CNTLN: variants seen among roughly 807,000 people sequenced by gnomAD.
CNTLN encodes the protein centlein, centrosomal protein.
Under a neutral mutation model 180.0 loss-of-function variants are expected in CNTLN, and 212 were observed. The observed-to-expected ratio is 1.18, with a 90% CI of 1.05 to 1.32. CNTLN has a LOEUF of 1.32. Ranked by LOEUF, CNTLN falls within the 40% of genes most tolerant of loss-of-function variation. The pLI, the probability that CNTLN is intolerant of heterozygous loss-of-function variation, is 0.00. For missense variants in CNTLN, 2,095 were observed against 1,610.9 expected, an observed-to-expected ratio of 1.30 and a Z score of -5.14; for synonymous variants, 722 against 563.1, an observed-to-expected ratio of 1.28 and a Z score of -3.99.
chr9:17,509,699 G>T, the CNTLN span, among the ~76,000 whole-genome samples: 2 of 152,088 alleles, frequency 1.3e-5, no homozygotes, highest in Non-Finnish European at 2.9e-5. Context: ...CCATAGCCAG[G>T]GTTCATGGAT....
chr9:17,345,546 T>C (rs1036699460), intron 12 of CNTLN, among the ~76,000 whole-genome samples: 8 of 151,842 alleles, frequency 5.3e-5, no homozygotes, highest in Non-Finnish European at 1.2e-4. Context: ...TTTTTTTTTT[T>C]AGTATTTGCT....
At chr9:17,251,812 T>C (rs1027345602) in intron 5 of CNTLN, among the ~76,000 whole-genome samples, 1 of 151,852 alleles carries the variant, frequency 6.6e-6, no homozygotes, top group African/African-American at 2.4e-5. Flanking sequence ...AACCTGAGTG[T>C]GCTATCAAAC....
intron 18 of CNTLN, among the ~76,000 whole-genome samples, chr9:17,441,270 A>G (rs1428847048): frequency 6.6e-6 from 1 of 152,232 alleles, no homozygotes; most frequent in East Asian, 1.9e-4. Flanking sequence ...AAAGCATGTG[A>G]AAGTATAAAG....
intron 18 of CNTLN, among the ~76,000 whole-genome samples, chr9:17,417,408 G>T (rs371824970): frequency 6.6e-6 from 1 of 150,626 alleles, no homozygotes; most frequent in Admixed American, 6.6e-5. Flanking sequence ...GTATTCCTAG[G>T]TTTTTTTTGT....
chr9:17,190,719 C>T (rs1821740268), intron 2 of CNTLN, among the ~76,000 whole-genome samples: 1 of 152,030 alleles, frequency 6.6e-6, no homozygotes, highest in African/African-American at 2.4e-5. Context: ...TTCTTATGCC[C>T]TTTGATTTTA....
At chr9:17,473,222 C>T (rs897166488) in intron 23 of CNTLN, among the ~76,000 whole-genome samples, 2 of 152,192 alleles carry the variant, frequency 1.3e-5, no homozygotes, top group African/African-American at 4.8e-5. Context: ...GTTCCCAGTG[C>T]ATTCAGGCTC....
chr9:17,504,005 CTG>C (rs1460181812), downstream of CNTLN: 1 of 152,470 alleles, frequency 6.6e-6, no homozygotes, highest in African/African-American at 2.4e-5. Flanking sequence ...ATGGAAGAGA[CTG>C]TGCTTCTCTC....
At chr9:17,399,286 A>G (rs1826781056) in intron 15 of CNTLN, among the ~76,000 whole-genome samples, 1 of 152,164 alleles carries the variant, frequency 6.6e-6, no homozygotes, top group African/African-American at 2.4e-5. Flanking sequence ...AGGGGTCTCA[A>G]ATGAGAACTT....
chr9:17,234,210 G>A (rs575022740), intron 3 of CNTLN, among the ~76,000 whole-genome samples: 17 of 152,136 alleles, frequency 1.1e-4, no homozygotes, highest in African/African-American at 2.2e-4. Flanking sequence ...TTATCTCAGC[G>A]GGGCCAAGCT....
chr9:17,361,630 C>T, intron 12 of CNTLN, among the ~76,000 whole-genome samples: 1 of 152,176 alleles, frequency 6.6e-6, no homozygotes, highest in South Asian at 2.1e-4. Context: ...GGTCATATGC[C>T]TCACAAATTC....
intron 18 of CNTLN, chr9:17,447,373 GT>G (rs1042534882): frequency 1.9e-4 from 37 of 190,678 alleles, no homozygotes; most frequent in African/African-American, 7.8e-4. Flanking sequence ...AGAAAAAAGT[GT>G]TTGGAAAAGT....
intron 5 of CNTLN, among the ~76,000 whole-genome samples, chr9:17,237,987 A>G (rs1024929404): frequency 2.0e-5 from 3 of 152,078 alleles, no homozygotes; most frequent in Non-Finnish European, 4.4e-5. Flanking sequence ...ATAAGGGTAA[A>G]TCAGTACTTG....
chr9:17,431,216 T>A (rs1829401784), intron 18 of CNTLN, among the ~76,000 whole-genome samples: 1 of 152,152 alleles, frequency 6.6e-6, no homozygotes, highest in Non-Finnish European at 1.5e-5. Context: ...TAGCATCTGT[T>A]AATTTTTGTC....
At position 17,455,639 on chromosome 9, in the gene CNTLN, C is replaced by A. The variant is rs144158022; in HGVS notation, c.3115-1885C>A. Among the ~76,000 whole-genome samples the A allele has an allele frequency of 4.2e-4, 64 of 152,124 alleles. 1 individual carries two copies. Among genetic ancestry groups the A allele is most frequent in the African/African-American group, 1.5e-3 (61 of 41,500 alleles). On this transcript the variant is annotated intron_variant, in intron 18 of 25. Transcript: ENST00000380647. ...TTCAAGAAGGAGGAATACTAAGCTG[C>A]CCTTTAAAGATGAGACAGATTTCAG...
chr9:17,489,496 T>C (rs1833042051), intron 25 of CNTLN, among the ~76,000 whole-genome samples: 2 of 152,086 alleles, frequency 1.3e-5, no homozygotes, highest in South Asian at 4.1e-4. Context: ...AATCCTGAGA[T>C]TATCAGGGTG....
chr9:17,266,274 T>G (rs1827435662), intron 5 of CNTLN, among the ~76,000 whole-genome samples: 1 of 152,196 alleles, frequency 6.6e-6, no homozygotes, highest in Non-Finnish European at 1.5e-5. Context: ...CATCTTTATT[T>G]CTGCCTTCAT....
intron 13 of CNTLN, among the ~76,000 whole-genome samples, chr9:17,373,739 C>T (rs1018396236): frequency 1.3e-5 from 2 of 152,048 alleles, no homozygotes; most frequent in African/African-American, 4.8e-5. Context: ...TACTATAAAG[C>T]TACAGTAACT....
At chr9:17,379,813 G>A (rs1451780012) in intron 13 of CNTLN, among the ~76,000 whole-genome samples, 2 of 152,052 alleles carry the variant, frequency 1.3e-5, no homozygotes, top group Admixed American at 6.6e-5. Flanking sequence ...AGTTAAGCAT[G>A]TCATCCAAAA....
At chr9:17,320,253 A>G (rs1427233565) in intron 8 of CNTLN, among the ~76,000 whole-genome samples, 1 of 152,014 alleles carries the variant, frequency 6.6e-6, no homozygotes, top group Admixed American at 6.6e-5. Context: ...GTTTTCCCTT[A>G]TGTTCTTACT....
Sources: allele counts gnomAD v4.1 joint callset (sites outside exome capture counted in the v4.1 genomes callset), GRCh38; gene constraint gnomAD v4.1.1; transcripts MANE v1.5; gene names NCBI Gene and HGNC (gene_info 2026-07-23, HGNC 2026-07-21).